Variants in NDUFV1 observed in about 807,000 individuals in gnomAD.
The protein encoded by NDUFV1 is NADH:ubiquinone oxidoreductase core subunit V1, also known as NADH dehydrogenase [ubiquinone] flavoprotein 1, mitochondrial.
In NDUFV1, 41 loss-of-function variants were observed where a neutral mutation model predicts 48.7. That is an observed-to-expected ratio of 0.84 (90% CI 0.66 to 1.09). The LOEUF is 1.09. NDUFV1 is among the 50% of genes least tolerant of loss of function. NDUFV1 has a pLI of 0.00. For synonymous variants in NDUFV1, 231 were observed against 259.1 expected (o/e 0.89, Z 1.04); for missense variants, 580 against 645.4 (o/e 0.90, Z 1.10).
In NDUFV1 at chr11:67,609,624, T is replaced by C. The variant is rs773368756; in HGVS notation, c.499T>C (p.Ser167Pro). Residue 167 changes from serine (S) to proline (P), a missense_variant, in exon 4 of 10, where the codon TCC (serine) becomes CCC (proline). Ser to Pro is a moderately conservative substitution (Grantham distance 74). Transcript: ENST00000322776. ...CCGAGGGGAATTCTACAATGAGGCC[T>C]CCAATCTGCAGGTGGGTAGGGAGAG... ...YIRGEFYNEA[S>P]NLQVAIREAY... 1 of 1,604,678 alleles carries C rather than the reference T, an allele frequency of 6.2e-7. No individual in the cohort carries two copies. The highest frequency in any genetic ancestry group is 1.1e-5 in the South Asian group (1 of 91,082).
chr11:67,610,319 GA>G, intron 4 of NDUFV1, 61 bp from the exon 5 acceptor site: 1 of 1,599,000 alleles, frequency 6.3e-7, no homozygotes, highest in African/African-American at 1.3e-5. Flanking sequence ...CATGACTCCT[GA>G]AGTTATAGGC....
intron 5 of NDUFV1, 110 bp downstream of exon 5, chr11:67,610,680 C>T: frequency 7.0e-7 from 1 of 1,437,136 alleles, no homozygotes; most frequent in Non-Finnish European, 9.5e-7. Context: ...CCGGCTGGGG[C>T]CAGATAGAGA....
Position 67,611,240 on chromosome 11 carries a change from G to A in NDUFV1, c.913+33G>A, listed in dbSNP as rs1565225656. ...CTGGGGCCAGCCAGGTGGTGGGGGGGTGCGCAGTGGGGGCAGGTGTCCACA... is the reference window on the plus strand; with the variant it reads ...CTGGGGCCAGCCAGGTGGTGGGGGGATGCGCAGTGGGGGCAGGTGTCCACA... On this transcript the variant is annotated intron_variant, in intron 6 of 9. Coordinates refer to ENST00000322776, the MANE Select transcript of NDUFV1 (RefSeq NM_007103.4). This position sits in a 1 kb window ranked among gnomAD's most constrained non-coding sequence, Gnocchi z 4.2. 3 of 1,583,602 alleles carry A rather than the reference G, an allele frequency of 1.9e-6. No homozygotes were observed. Among genetic ancestry groups the A allele is most frequent in the South Asian group, 2.2e-5 (2 of 90,328 alleles).
intron 1 of NDUFV1, 190 bp downstream of exon 1, chr11:67,607,266 C>T (rs1456638432): frequency 4.8e-5 from 35 of 731,932 alleles, no homozygotes; most frequent in Admixed American, 3.4e-4. Flanking sequence ...ACTCCCTTGA[C>T]CCTCTGACTT....
rs774750411 is a variant in NDUFV1, at chr11:67,612,155, G to T, written c.1198G>T (p.Val400Leu). 1 of 1,613,520 alleles carries T rather than the reference G, an allele frequency of 6.2e-7. No homozygotes were observed. Among genetic ancestry groups the T allele is most frequent in the South Asian group, 1.1e-5 (1 of 91,046 alleles). ...DWMNKVMARF[V>L]RGDARPAEID... ...GATGAACAAGGTGATGGCACGTTTC[G>T]TGAGGGGGGATGCCCGGCCGGCCGA... Residue 400 changes from valine to leucine, a missense_variant, in exon 9 of 10, where the codon GTG becomes TTG. Transcript: ENST00000322776. This position sits in a 1 kb window ranked among gnomAD's most constrained non-coding sequence, Gnocchi z 4.4.
Position 67,607,061 on chromosome 11 carries a change from T to C in NDUFV1, c.57T>C (p.Arg19=). Reference sequence around the variant, plus strand: ...CGCTTCCCGCGCGGGTATCTGTGCGTTTCAGCGGCGACACGGTGAGGCCCA... The same window carrying C: ...CGCTTCCCGCGCGGGTATCTGTGCGCTTCAGCGGCGACACGGTGAGGCCCA... ...GWSLPARVSV[R]FSGDTTAPKK... Residue 19 remains arginine (R), a synonymous_variant, in exon 1 of 10, where the codon CGT becomes CGC. Transcript: ENST00000322776. The C allele has an allele frequency of 6.2e-7, 1 of 1,607,938 alleles. No homozygotes were observed. Among genetic ancestry groups the C allele is most frequent in the South Asian group, 1.1e-5 (1 of 90,720 alleles).
Position 67,609,444 on chromosome 11 carries a change from C to T in NDUFV1, c.327-8C>T. On this transcript the variant is annotated splice_polypyrimidine_tract_variant and splice_region_variant and intron_variant, in intron 3 of 9. Coordinates refer to ENST00000322776, the MANE Select transcript of NDUFV1 (RefSeq NM_007103.4). ...CCTGTAGCCTGTCTGACCTGTGGGCCCCTGCAGGCCCAAGTATCTGGTGGT... is the reference window on the plus strand; with the variant it reads ...CCTGTAGCCTGTCTGACCTGTGGGCTCCTGCAGGCCCAAGTATCTGGTGGT... 6.2e-7 allele frequency: 1 copy of T among 1,613,130 alleles called. No individual in the cohort carries two copies.
In NDUFV1 at chr11:67,612,356, C is replaced by T. The variant is rs1235086839; in HGVS notation, c.1309-16C>T. 6.2e-7 allele frequency: 1 copy of T among 1,613,562 alleles called. No homozygotes were observed. The highest frequency in any genetic ancestry group is 8.5e-7 in the Non-Finnish European group (1 of 1,179,918). ...TTTTTGGACTCTGTTTCACATGGTC[C>T]CCCCACCGACCCCAGGGTCTGATCC... On this transcript the variant is annotated splice_polypyrimidine_tract_variant and intron_variant, in intron 9 of 9. Coordinates refer to ENST00000322776, the MANE Select transcript of NDUFV1 (RefSeq NM_007103.4). The surrounding 1 kb of genome is among the most constrained non-coding windows in gnomAD (Gnocchi z 4.4).
In NDUFV1 at chr11:67,612,514, A is replaced by T; in HGVS notation, c.*56A>T. On this transcript the variant is annotated 3_prime_UTR_variant, in exon 10 of 10. Transcript: ENST00000322776. This position sits in a 1 kb window ranked among gnomAD's most constrained non-coding sequence, Gnocchi z 4.4. ...ATCCATGTGGAATGCTGGACAATAA[A>T]GCGAGTGCTGCCCACCCTCCAGCTG... The T allele has an allele frequency of 6.4e-7, 1 of 1,558,234 alleles. No homozygotes were observed. Among genetic ancestry groups the T allele is most frequent in the Non-Finnish European group, 8.7e-7 (1 of 1,145,166 alleles).
At chr11:67,607,205 C>T (rs1313063188) in intron 1 of NDUFV1, 129 bp downstream of exon 1, 28 of 1,067,306 alleles carry the variant, frequency 2.6e-5, no homozygotes, top group Non-Finnish European at 3.7e-5. Context: ...GGCGGGAAGG[C>T]CCCCGCTCCG....
At chr11:67,610,784 C>T in intron 5 of NDUFV1, 1 of 786,760 alleles carries the variant, frequency 1.3e-6, no homozygotes, top group Non-Finnish European at 2.1e-6. Context: ...TCTGTGGCTC[C>T]ACCTTCACAG....
chr11:67,607,353 C>T, intron 1 of NDUFV1: 3 of 641,190 alleles, frequency 4.7e-6, no homozygotes, highest in Non-Finnish European at 8.7e-6. Context: ...CTTTCATTCT[C>T]TCCTTGTCAC....
intron 4 of NDUFV1, chr11:67,610,175 A>G: frequency 1.7e-6 from 1 of 601,796 alleles, no homozygotes; most frequent in Non-Finnish European, 2.9e-6. Context: ...GCAGCAAAGC[A>G]GCTTACTTAT....
At position 67,612,327 on chromosome 11, in the gene NDUFV1, G is replaced by T; in HGVS notation, c.1309-45G>T. 1 of 1,613,894 alleles carries T rather than the reference G, an allele frequency of 6.2e-7. No homozygotes were observed. The highest frequency in any genetic ancestry group is 1.1e-5 in the South Asian group (1 of 91,064). ...TGGCATCAAGGGCCCAGGGTGTTGG[G>T]GGATTTTTGGACTCTGTTTCACATG... is the stretch of plus-strand genomic sequence containing the variant. On this transcript the variant is annotated intron_variant, in intron 9 of 9. Transcript: ENST00000322776. The surrounding 1 kb of genome is among the most constrained non-coding windows in gnomAD (Gnocchi z 4.4).
chr11:67,607,485 CG>C (rs1854830075), intron 1 of NDUFV1: 1 of 468,318 alleles, frequency 2.1e-6, no homozygotes, highest in African/African-American at 2.0e-5. Flanking sequence ...GGAATCCCGT[CG>C]CCCTCAGCTG....
intron 5 of NDUFV1, 142 bp from the exon 6 acceptor site, chr11:67,610,853 G>A: frequency 1.2e-6 from 1 of 855,866 alleles, no homozygotes. Context: ...TCTGGAGTTT[G>A]GGGTCCAGCA....
chr11:67,607,280 GGC>G (rs952454460), intron 1 of NDUFV1: 2 of 714,076 alleles, frequency 2.8e-6, no homozygotes, highest in African/African-American at 3.5e-5. Flanking sequence ...CTGACTTGCT[GGC>G]TTCCCTTGTT....
At chr11:67,608,813 A>C (rs769225452) in intron 3 of NDUFV1, 91 bp downstream of exon 3, 345 of 1,571,376 alleles carry the variant, frequency 2.2e-4, no homozygotes, top group Non-Finnish European at 2.9e-4. Context: ...TTTCCTTAGA[A>C]ACTTAGCATG....
chr11:67,609,220 G>A (rs1391219369), intron 3 of NDUFV1, among the ~76,000 whole-genome samples: 1 of 152,192 alleles, frequency 6.6e-6, no homozygotes, highest in Non-Finnish European at 1.5e-5. Flanking sequence ...GTTTGGATGA[G>A]CTGAATGAAG....
Sources: gnomAD v4.1 joint callset for allele counts (sites outside exome capture counted in the v4.1 genomes callset) on GRCh38, gnomAD v4.1.1 for gene constraint, Gnocchi (gnomAD v3.1) non-coding constraint, MANE v1.5 for transcripts, NCBI Gene and HGNC (gene_info 2026-07-23, HGNC 2026-07-21) for gene names.